CELF4: variants seen among roughly 807,000 people sequenced by gnomAD.
The protein encoded by CELF4 is CUGBP Elav-like family member 4, also known as CUG-BP- and ETR-3-like factor 4.
A neutral mutation model predicts 59.9 loss-of-function variants in CELF4; 18 were observed. The observed-to-expected ratio is 0.30, with a 90% CI of 0.21 to 0.45. The LOEUF (loss-of-function observed/expected upper bound fraction) is 0.45, where lower values mean the gene tolerates loss of function less well. Among genes scored for constraint, CELF4 ranks in the 20% least tolerant of loss-of-function variants. CELF4 has a pLI of 1.00. For synonymous variants in CELF4, 261 were observed against 267.1 expected (o/e 0.98, Z 0.22); for missense variants, 456 against 689.0 (o/e 0.66, Z 3.79).
chr18:37,304,220 G>A (rs1030129015), intron 3 of CELF4, among the ~76,000 whole-genome samples: 5 of 152,162 alleles, frequency 3.3e-5, no homozygotes, highest in African/African-American at 9.7e-5. Context: ...CGGAAGCATC[G>A]CCCACACAGA....
chr18:37,551,796 G>T (rs2099983273), intron 1 of CELF4, among the ~76,000 whole-genome samples: 2 of 152,186 alleles, frequency 1.3e-5, no homozygotes, highest in Non-Finnish European at 2.9e-5. Flanking sequence ...AGCCCTGGCA[G>T]TTTCAGTGTG....
At chr18:37,514,611 C>T (rs1786767) in intron 1 of CELF4, among the ~76,000 whole-genome samples, 78,383 of 152,012 alleles carry the variant, frequency 0.52, 24,351 homozygotes, top group Non-Finnish European at 0.69. Context: ...GGTCCCAAGC[C>T]CAAGGAGGCC....
At chr18:37,346,049 G>A (rs2098245781) in intron 2 of CELF4, among the ~76,000 whole-genome samples, 1 of 152,200 alleles carries the variant, frequency 6.6e-6, no homozygotes, top group African/African-American at 2.4e-5. Flanking sequence ...CTCCTGGGGA[G>A]AACCGTGCTG....
At chr18:37,251,484 AAGCT>A (rs1471791580) in intron 12 of CELF4, among the ~76,000 whole-genome samples, 1 of 152,172 alleles carries the variant, frequency 6.6e-6, no homozygotes, top group Non-Finnish European at 1.5e-5. Context: ...AGGCTAAGAC[AAGCT>A]ACTTTCAGGG....
At chr18:37,374,230 G>A (rs906596196) in intron 2 of CELF4, among the ~76,000 whole-genome samples, 1 of 152,200 alleles carries the variant, frequency 6.6e-6, no homozygotes, top group South Asian at 2.1e-4. Context: ...GCCCTTTGAA[G>A]CCTCAATGTG....
chr18:37,455,648 G>A (rs2099776117), intron 2 of CELF4, among the ~76,000 whole-genome samples: 1 of 152,222 alleles, frequency 6.6e-6, no homozygotes, highest in Admixed American at 6.5e-5. Context: ...GTCAGGGAAG[G>A]ATGATGGAGG....
chr18:37,270,805 C>A lies in CELF4; in HGVS notation c.1062G>T (p.Ala354=), dbSNP rs376891998. 6.2e-7 allele frequency: 1 copy of A among 1,613,860 alleles called. No homozygotes were observed. Among genetic ancestry groups the A allele is most frequent in the East Asian group, 2.2e-5 (1 of 44,890 alleles). ...GGATGCCATTGGCGAACACAGCTTC[C>A]GCAGCAGGTTGCCCATTGGCCTGTG... The part of the protein sequence containing the change: ...LPPQANGQPA[A]EAVFANGIHP... The change falls in exon 8 of 13, where the codon GCG becomes GCT. Residue 354 remains alanine, a synonymous_variant. Transcript: ENST00000420428.
intron 2 of CELF4, among the ~76,000 whole-genome samples, chr18:37,450,498 C>G (rs955611396): frequency 6.6e-6 from 1 of 151,898 alleles, no homozygotes; most frequent in African/African-American, 2.4e-5. Flanking sequence ...TCCCCGCCCC[C>G]TTTCCCTCCC....
At chr18:37,523,916 C>A (rs1335062286) in intron 1 of CELF4, among the ~76,000 whole-genome samples, 1 of 152,128 alleles carries the variant, frequency 6.6e-6, no homozygotes, top group Non-Finnish European at 1.5e-5. Context: ...CTCACTGAGC[C>A]CCCAAAACGC....
At chr18:37,529,623 G>A (rs1210037271) in intron 1 of CELF4, among the ~76,000 whole-genome samples, 1 of 152,156 alleles carries the variant, frequency 6.6e-6, no homozygotes, top group Non-Finnish European at 1.5e-5. Flanking sequence ...AAGGGGAGCT[G>A]ACAGTTTTGG....
chr18:37,556,857 C>T (rs1348222852), intron 1 of CELF4, among the ~76,000 whole-genome samples: 1 of 152,188 alleles, frequency 6.6e-6, no homozygotes, highest in East Asian at 1.9e-4. Flanking sequence ...GCATTCAAAT[C>T]TGCCTAGAAT....
At chr18:37,464,342 T>C (rs1035696298) in intron 2 of CELF4, among the ~76,000 whole-genome samples, 2 of 152,180 alleles carry the variant, frequency 1.3e-5, no homozygotes, top group African/African-American at 4.8e-5. Context: ...ACTGCCTTTC[T>C]ATCTGGGAGG....
intron 2 of CELF4, among the ~76,000 whole-genome samples, chr18:37,412,441 G>GATGC (rs2099474579): frequency 1.3e-5 from 2 of 152,188 alleles, no homozygotes; most frequent in Admixed American, 1.3e-4. Context: ...TGGATGGATG[G>GATGC]ATGCATGCAT....
intron 2 of CELF4, among the ~76,000 whole-genome samples, chr18:37,406,501 C>G (rs2099390416): frequency 6.6e-6 from 1 of 152,174 alleles, no homozygotes; most frequent in African/African-American, 2.4e-5. Flanking sequence ...GCTGCTGGAC[C>G]TTGGGGGAAC....
In CELF4 at chr18:37,346,031, A is replaced by G. The variant is rs532118952; in HGVS notation, c.370-24150T>C. Among the ~76,000 whole-genome samples the G allele has an allele frequency of 2.0e-5, 3 of 152,262 alleles. No homozygotes were observed. The South Asian group carries it at 6.2e-4, about 32-fold the overall frequency. ...GTAATTAAAAAACTGATTACTCCAA[A>G]TGGCGCCCTCCTGGGGAGAACCGTG... On this transcript the variant is annotated intron_variant, in intron 2 of 12. Coordinates refer to ENST00000420428, the MANE Select transcript of CELF4 (RefSeq NM_020180.4).
At chr18:37,565,286 C>T in intron 1 of CELF4, 70 bp downstream of exon 1, 2 of 1,454,008 alleles carry the variant, frequency 1.4e-6, no homozygotes, top group Admixed American at 2.4e-5. Flanking sequence ...TCGTCAGTCG[C>T]CGGCCGGCCG....
intron 2 of CELF4, among the ~76,000 whole-genome samples, chr18:37,444,122 G>C (rs1855895233): frequency 6.6e-6 from 1 of 152,092 alleles, no homozygotes; most frequent in African/African-American, 2.4e-5. Flanking sequence ...GTTAACATAT[G>C]CAAAATGCTC....
At chr18:37,482,295 G>C (rs2099870027) in intron 2 of CELF4, among the ~76,000 whole-genome samples, 1 of 152,138 alleles carries the variant, frequency 6.6e-6, no homozygotes, top group African/African-American at 2.4e-5. Context: ...GAATAGAGGA[G>C]CATGGGCAGG....
intron 3 of CELF4, among the ~76,000 whole-genome samples, chr18:37,284,722 A>G (rs1283255249): frequency 6.6e-6 from 1 of 152,196 alleles, no homozygotes; most frequent in Non-Finnish European, 1.5e-5. Context: ...GATCAACAAG[A>G]AGAATCACAA....
Sources: gnomAD v4.1 joint callset for allele counts (sites outside exome capture counted in the v4.1 genomes callset) on GRCh38, gnomAD v4.1.1 for gene constraint, MANE v1.5 for transcripts, NCBI Gene and HGNC (gene_info 2026-07-23, HGNC 2026-07-21) for gene names.